Variants in ANKS1A observed in about 807,000 individuals in gnomAD.
The protein encoded by ANKS1A is ankyrin repeat and sterile alpha motif domain containing 1A, also known as ankyrin repeat and SAM domain-containing protein 1A.
ANKS1A carries 55 observed loss-of-function variants against 120.3 expected under a neutral mutation model. The observed-to-expected ratio is 0.46, with a 90% confidence interval of 0.37 to 0.57. The LOEUF (loss-of-function observed/expected upper bound fraction) is 0.57, where lower values mean the gene tolerates loss of function less well. ANKS1A is among the 20% of genes least tolerant of loss of function. The pLI is 0.00. For missense variants in ANKS1A, 1,123 were observed against 1,480.3 expected, an observed-to-expected ratio of 0.76 and a Z score of 3.96; for synonymous variants, 590 against 604.7, an observed-to-expected ratio of 0.98 and a Z score of 0.36.
Position 35,090,357 on chromosome 6 carries a change from TTCC to T in ANKS1A, c.*1753_*1755del. The T allele has an allele frequency of 7.9e-7, 1 of 1,265,782 alleles. No individual in the cohort carries two copies. Among genetic ancestry groups the T allele is most frequent in the Non-Finnish European group, 1.0e-6 (1 of 975,058 alleles). 78.4% of individuals were successfully genotyped at this position (1,265,782 alleles called of 1,614,324 possible). A position where few individuals can be genotyped will look rare whatever the true frequency, so the allele number is the denominator to read the frequency against. On this transcript the variant is annotated 3_prime_UTR_variant, in exon 24 of 24. Transcript: ENST00000360359. ...CACTGCGCACATGCTGGTGCCCGTC[TTCC>T]TCCTAAGGGGCCAGGCCACATCCAA...
Position 35,082,885 on chromosome 6 carries a change from A to G in ANKS1A, c.2835+69A>G, listed in dbSNP as rs1348924870. 5.7e-6 allele frequency: 9 copies of G among 1,565,314 alleles called. No individual in the cohort carries two copies. The highest frequency in any genetic ancestry group is 5.4e-5 in the African/African-American group (4 of 73,688). ...CTTCTCGGCCAGGCACCTGCGGCCA[A>G]GTCCCAGCAGGGACTCCACAAAGCC... is the stretch of plus-strand genomic sequence containing the variant. On this transcript the variant is annotated intron_variant, in intron 18 of 23. Coordinates refer to ENST00000360359, the MANE Select transcript of ANKS1A (RefSeq NM_015245.3). The surrounding 1 kb of genome is among the most constrained non-coding windows in gnomAD (Gnocchi z 4.1).
chr6:34,896,160 C>T (rs1322480868), intron 1 of ANKS1A, among the ~76,000 whole-genome samples: 1 of 151,506 alleles, frequency 6.6e-6, no homozygotes, highest in Non-Finnish European at 1.5e-5. Context: ...ACCTCTGCCT[C>T]TCAGGTTCAA....
downstream of ANKS1A, among the ~76,000 whole-genome samples, chr6:35,093,039 G>C (rs776022360): frequency 9.0e-4 from 137 of 152,138 alleles, no homozygotes; most frequent in Admixed American, 5.2e-3. Flanking sequence ...AATAGGGACA[G>C]GCCGACTATC....
At position 35,086,155 on chromosome 6, in the gene ANKS1A, C is replaced by A; in HGVS notation, c.3303+219C>A. 8.4e-7 allele frequency: 1 copy of A among 1,197,502 alleles called. No individual in the cohort carries two copies. Among genetic ancestry groups the A allele is most frequent in the Non-Finnish European group, 1.1e-6 (1 of 871,038 alleles). The allele number at this position is 1,197,502 out of a possible 1,614,324, so 74.2% of individuals were successfully genotyped here. A position where few individuals can be genotyped will look rare whatever the true frequency, so the allele number is the denominator to read the frequency against. ...GCCTCTCATGCTCCTGTTTCCCTCCCTCGCTGGGCTCCCCCAAGGGCAAGG... is the reference window on the plus strand; with the variant it reads ...GCCTCTCATGCTCCTGTTTCCCTCCATCGCTGGGCTCCCCCAAGGGCAAGG... On this transcript the variant is annotated intron_variant, in intron 22 of 23. Coordinates refer to ENST00000360359, the MANE Select transcript of ANKS1A (RefSeq NM_015245.3). This position sits in a 1 kb window ranked among gnomAD's most constrained non-coding sequence, Gnocchi z 5.1.
rs556986258 is a variant in ANKS1A at position 35,043,048 on chromosome 6, TTGCCTTCG to T, written c.2011-11044_2011-11037del. On this transcript the variant is annotated intron_variant, in intron 11 of 23. Transcript: ENST00000360359. ...GAGACTTGGAGGATTCCCCCTGCTT[TTGCCTTCG>T]TGCCTTACAGTCTGTCAGGGTAGGT... Among the ~76,000 whole-genome samples the T allele has an allele frequency of 9.0e-3, 1,365 of 152,306 alleles. 13 individuals are homozygous for T. The highest frequency in any genetic ancestry group is 0.021 in the African/African-American group (891 of 41,560).
intron 1 of ANKS1A, among the ~76,000 whole-genome samples, chr6:34,945,068 A>T (rs1264212122): frequency 6.6e-6 from 1 of 152,050 alleles, no homozygotes; most frequent in East Asian, 1.9e-4. Context: ...AAGATCTATG[A>T]TCTATTTTAT....
At chr6:34,964,554 T>A (rs1330617614) in intron 1 of ANKS1A, among the ~76,000 whole-genome samples, 1 of 152,240 alleles carries the variant, frequency 6.6e-6, no homozygotes, top group Non-Finnish European at 1.5e-5. Flanking sequence ...AAGGTCCAAT[T>A]TGTTTTCTTT....
chr6:34,922,612 G>T (rs920429618), intron 1 of ANKS1A, among the ~76,000 whole-genome samples: 1 of 152,010 alleles, frequency 6.6e-6, no homozygotes, highest in African/African-American at 2.4e-5. Context: ...CGATGAGATA[G>T]GTTCTGCTGT....
intron 11 of ANKS1A, among the ~76,000 whole-genome samples, chr6:35,020,367 G>C (rs1481663147): frequency 6.6e-6 from 1 of 152,164 alleles, no homozygotes; most frequent in Non-Finnish European, 1.5e-5. Flanking sequence ...ATGTGTGTAG[G>C]TTATATGCAA....
intron 10 of ANKS1A, among the ~76,000 whole-genome samples, chr6:34,994,850 A>G (rs924725047): frequency 6.6e-6 from 1 of 152,068 alleles, no homozygotes; most frequent in Non-Finnish European, 1.5e-5. Context: ...ACTCCTGGGG[A>G]GGGGCCCGTG....
chr6:35,087,436 G>C (rs1778056053), intron 23 of ANKS1A, among the ~76,000 whole-genome samples: 2 of 152,170 alleles, frequency 1.3e-5, no homozygotes, highest in Admixed American at 1.3e-4. Flanking sequence ...AGCTCCCCAG[G>C]GTTGGGCTGG....
chr6:35,017,496 C>T lies in ANKS1A; in HGVS notation c.1447C>T (p.Arg483Trp), dbSNP rs755957900. The change falls in exon 11 of 24, where the codon CGG becomes TGG. Residue 483 changes from arginine (R) to tryptophan (W), a missense_variant. Around this residue, in one of 3 missense-constraint regions of ANKS1A, gnomAD observed 904 missense variants for 1,130.4 expected, o/e 0.80. Transcript: ENST00000360359. ...TKDHRRSSSSRSQDSAEGQDG... is the reference protein window; with the variant it reads ...TKDHRRSSSSWSQDSAEGQDG... ...AGACCACAGGCGGAGCAGCAGCAGCCGGAGCCAGGACTCTGCGGAGGGGCA... is the reference window on the plus strand; with the variant it reads ...AGACCACAGGCGGAGCAGCAGCAGCTGGAGCCAGGACTCTGCGGAGGGGCA... 22 of 1,608,462 alleles carry T rather than the reference C, an allele frequency of 1.4e-5. No individual in the cohort carries two copies. The highest frequency in any genetic ancestry group is 8.9e-5 in the East Asian group (4 of 44,784).
In ANKS1A at chr6:35,060,128, C is replaced by T; in HGVS notation, c.2078-19C>T. The stretch of plus-strand genomic sequence containing the variant: ...TGGTTTTTCCCTTTTCAAGCGTCTG[C>T]CGATTCCTCTCTCATCAGGTTTACG... On this transcript the variant is annotated intron_variant, in intron 12 of 23. Coordinates refer to ENST00000360359, the MANE Select transcript of ANKS1A (RefSeq NM_015245.3). This position sits in a 1 kb window ranked among gnomAD's most constrained non-coding sequence, Gnocchi z 4.5. 1 of 1,604,532 alleles carries T rather than the reference C, an allele frequency of 6.2e-7. No individual in the cohort carries two copies. The highest frequency in any genetic ancestry group is 8.5e-7 in the Non-Finnish European group (1 of 1,173,358).
At chr6:35,071,597 G>C (rs750081468) in intron 13 of ANKS1A, among the ~76,000 whole-genome samples, 6 of 152,206 alleles carry the variant, frequency 3.9e-5, no homozygotes, top group African/African-American at 1.4e-4. Context: ...TGGCCTAGAG[G>C]GGGGGTCCAT....
intron 1 of ANKS1A, among the ~76,000 whole-genome samples, chr6:34,945,409 G>A (rs13193526): frequency 0.12 from 18,079 of 152,154 alleles, 1,651 homozygotes; most frequent in African/African-American, 0.25. Flanking sequence ...TTTATGAAAG[G>A]TATAAGGTCT....
chr6:34,945,015 C>A (rs1769719392), intron 1 of ANKS1A, among the ~76,000 whole-genome samples: 1 of 152,056 alleles, frequency 6.6e-6, no homozygotes, highest in Non-Finnish European at 1.5e-5. Context: ...AGGTTTTCTC[C>A]TGTATTATCT....
chr6:35,095,033 C>A (rs1032926526), downstream of ANKS1A, among the ~76,000 whole-genome samples: 15 of 149,638 alleles, frequency 1.0e-4, no homozygotes, highest in Non-Finnish European at 1.9e-4. Flanking sequence ...CCCAACTACT[C>A]TGGAGGCTGA....
At position 34,973,638 on chromosome 6, in the gene ANKS1A, T is replaced by A. The variant is rs139717440; in HGVS notation, c.435+3472T>A. ...AAGAGAAACATAAGGTACTTCTGTA[T>A]GTTTCCAAACACAAGGCAGATATTT... On this transcript the variant is annotated intron_variant, in intron 3 of 23. Transcript: ENST00000360359. Among the ~76,000 whole-genome samples, 12 of 152,364 alleles carry A rather than the reference T, an allele frequency of 7.9e-5. No homozygotes were observed. The East Asian group carries it at 2.3e-3, about 29-fold the overall frequency.
intron 13 of ANKS1A, among the ~76,000 whole-genome samples, chr6:35,071,738 G>A (rs1777097712): frequency 6.6e-6 from 1 of 152,256 alleles, no homozygotes; most frequent in South Asian, 2.1e-4. Context: ...GTTTGGATGT[G>A]TCAGGGTCCT....
Sources: gnomAD v4.1 joint callset for allele counts (sites outside exome capture counted in the v4.1 genomes callset) on GRCh38, gnomAD v4.1.1 for gene constraint, gnomAD v4.1.1 regional missense constraint, Gnocchi (gnomAD v3.1) non-coding constraint, MANE v1.5 for transcripts, NCBI Gene and HGNC (gene_info 2026-07-23, HGNC 2026-07-21) for gene names.